Variants in FAM47E observed in about 807,000 individuals in gnomAD.
FAM47E encodes family with sequence similarity 47 member E, also known as protein FAM47E.
Under a neutral mutation model 41.6 loss-of-function variants are expected in FAM47E, and 32 were observed. That is an observed-to-expected ratio of 0.77 (90% CI 0.58 to 1.03). The LOEUF (loss-of-function observed/expected upper bound fraction) is 1.03, where lower values mean the gene tolerates loss of function less well. Ranked by LOEUF, FAM47E falls within the 50% of genes least tolerant of loss-of-function variation. The pLI is 0.00. For missense variants in FAM47E, 424 were observed against 485.4 expected, an observed-to-expected ratio of 0.87 and a Z score of 1.19; for synonymous variants, 184 against 188.7, an observed-to-expected ratio of 0.98 and a Z score of 0.20.
intron 1 of FAM47E, among the ~76,000 whole-genome samples, chr4:76,252,792 T>C (rs562132174): frequency 2.9e-4 from 44 of 152,310 alleles, no homozygotes; most frequent in Non-Finnish European, 1.8e-4. Context: ...AGAGGTCCCA[T>C]GTACCCTTCC....
intron 5 of FAM47E, among the ~76,000 whole-genome samples, chr4:76,273,468 G>T (rs1048987564): frequency 1.3e-5 from 2 of 152,158 alleles, no homozygotes; most frequent in African/African-American, 4.8e-5. Flanking sequence ...CTTCTTGGTT[G>T]TACTGTTTCT....
intron 2 of FAM47E, among the ~76,000 whole-genome samples, chr4:76,232,421 A>G (rs1733509418): frequency 6.6e-6 from 1 of 152,216 alleles, no homozygotes; most frequent in African/African-American, 2.4e-5. Flanking sequence ...TCATCTCTTG[A>G]AAAGGATTAA....
Position 76,276,033 on chromosome 4 carries a change from G to GAC in FAM47E, c.871-2034_871-2033dup, listed in dbSNP as rs757663103. On this transcript the variant is annotated intron_variant, in intron 5 of 7. Coordinates refer to ENST00000424749, the MANE Select transcript of FAM47E (RefSeq NM_001136570.3). ...CATGGGACAGACAGACAGACAGACA[G>GAC]ACAGACACACACACACACACACACA... Among the ~76,000 whole-genome samples the GAC allele has an allele frequency of 3.8e-3, 299 of 79,332 alleles. 1 individual carries two copies. Among genetic ancestry groups the GAC allele is most frequent in the African/African-American group, 0.013 (274 of 21,712 alleles). 52.0% of individuals were successfully genotyped at this position (79,332 alleles called of 152,430 possible). A position where few individuals can be genotyped will look rare whatever the true frequency, so the allele number is the denominator to read the frequency against.
chr4:76,246,767 T>G (rs1310317069), upstream of FAM47E, among the ~76,000 whole-genome samples: 1 of 152,150 alleles, frequency 6.6e-6, no homozygotes, highest in Non-Finnish European at 1.5e-5. Context: ...AACTTCATGT[T>G]AATAGGAACA....
At chr4:76,244,402 T>C (rs1465775355) in intron 2 of FAM47E, among the ~76,000 whole-genome samples, 8 of 152,170 alleles carry the variant, frequency 5.3e-5, no homozygotes, top group Non-Finnish European at 1.5e-5. Flanking sequence ...CTCCAGCATC[T>C]GTTGTTTCCT....
chr4:76,239,862 G>A (rs1733670092), intron 2 of FAM47E, among the ~76,000 whole-genome samples: 2 of 151,984 alleles, frequency 1.3e-5, no homozygotes, highest in South Asian at 4.2e-4. Flanking sequence ...TATAGTTTTA[G>A]TTCTTACATT....
intron 4 of FAM47E, 99 bp downstream of exon 4, chr4:76,268,867 T>G: frequency 6.8e-7 from 1 of 1,471,226 alleles, no homozygotes; most frequent in Admixed American, 2.5e-5. Context: ...TCAAAGTTGC[T>G]TTTATTAAAA....
chr4:76,221,382 A>C (rs534303790), intron 2 of FAM47E, among the ~76,000 whole-genome samples: 14 of 152,238 alleles, frequency 9.2e-5, no homozygotes, highest in Middle Eastern at 3.4e-3. Flanking sequence ...GCAGTGGTGC[A>C]ATCTCAGCTC....
Position 76,227,531 on chromosome 4 carries a change from G to C in FAM47E, c.81+9843G>C, listed in dbSNP as rs114573723. ...ATATTCTGCAGTTGTTGGGTATAAT[G>C]TTCTGTAAATATCTATCTGGGGTAT... On this transcript the variant is annotated intron_variant, in intron 2 of 7. Transcript: ENST00000510197. Among the ~76,000 whole-genome samples, 975 of 152,262 alleles carry C rather than the reference G, an allele frequency of 6.4e-3. 8 individuals are homozygous for C. The highest frequency in any genetic ancestry group is 0.011 in the Non-Finnish European group (737 of 68,004).
At chr4:76,251,591 C>T, upstream of FAM47E, 1 of 1,302,982 alleles carries the variant, frequency 7.7e-7, no homozygotes, top group Non-Finnish European at 9.8e-7. Flanking sequence ...CCCCAGGCGT[C>T]GGAGAAGGGG....
chr4:76,217,686 C>A, exon 2 of FAM47E: 1 of 629,322 alleles, frequency 1.6e-6, no homozygotes. Context: ...TACCCAATCT[C>A]AGGTATTGTT....
Position 76,251,831 on chromosome 4 carries a change from A to C in FAM47E, c.74+11A>C. 6.9e-7 allele frequency: 1 copy of C among 1,444,334 alleles called. No individual in the cohort carries two copies. The highest frequency in any genetic ancestry group is 9.1e-7 in the Non-Finnish European group (1 of 1,102,918). The allele number at this position is 1,444,334 out of a possible 1,614,324, so 89.5% of individuals were successfully genotyped here. On this transcript the variant is annotated intron_variant, in intron 1 of 7. Coordinates refer to ENST00000424749, the MANE Select transcript of FAM47E (RefSeq NM_001136570.3). ...GAACTGCAGGTCCAGGTAAACACTC[A>C]GCGCCCGGGCCGAGGGCGCATCCCA...
chr4:76,245,967 A>G (rs1733818107), intron 2 of FAM47E, among the ~76,000 whole-genome samples: 1 of 152,140 alleles, frequency 6.6e-6, no homozygotes, highest in Non-Finnish European at 1.5e-5. Flanking sequence ...CAAGTGAGAA[A>G]TGCTCCTGTT....
At chr4:76,277,994 A>C in intron 5 of FAM47E, 75 bp from the exon 6 acceptor site, 1 of 1,412,140 alleles carries the variant, frequency 7.1e-7, no homozygotes, top group Non-Finnish European at 9.2e-7. Flanking sequence ...TGCTCTCCTA[A>C]GCTAAGCTTT....
chr4:76,268,812 T>C, intron 4 of FAM47E, 44 bp downstream of exon 4: 1 of 1,548,056 alleles, frequency 6.5e-7, no homozygotes, highest in Non-Finnish European at 8.7e-7. Context: ...GTTACTACTT[T>C]TGTAAGTTAG....
At chr4:76,252,546 T>C (rs747005794) in intron 1 of FAM47E, among the ~76,000 whole-genome samples, 5 of 152,158 alleles carry the variant, frequency 3.3e-5, no homozygotes, top group Non-Finnish European at 7.4e-5. Context: ...CTTTCCTAAC[T>C]ATAAAATGGG....
At chr4:76,276,901 CCT>C (rs1735142198) in intron 5 of FAM47E, among the ~76,000 whole-genome samples, 1 of 151,938 alleles carries the variant, frequency 6.6e-6, no homozygotes, top group African/African-American at 2.4e-5. Context: ...TCTGTCCCAT[CCT>C]CTCTTTCTTG....
chr4:76,242,786 AT>A (rs745736297), intron 2 of FAM47E, among the ~76,000 whole-genome samples: 2 of 152,218 alleles, frequency 1.3e-5, no homozygotes, highest in Admixed American at 6.5e-5. Flanking sequence ...TTAAAATCAT[AT>A]TTTTTATGTG....
At chr4:76,278,990 A>G (rs1578806617) in intron 6 of FAM47E, 1 of 152,212 alleles carries the variant, frequency 6.6e-6, no homozygotes, top group East Asian at 1.9e-4. Context: ...TACAATACAA[A>G]TTAGACTTAT....
Sources: allele counts gnomAD v4.1 joint callset (sites outside exome capture counted in the v4.1 genomes callset), GRCh38; gene constraint gnomAD v4.1.1; transcripts MANE v1.5; gene names NCBI Gene and HGNC (gene_info 2026-07-23, HGNC 2026-07-21).